Variants in ZDHHC9 observed in about 807,000 individuals in gnomAD.
The protein encoded by ZDHHC9 is zDHHC palmitoyltransferase 9, also known as palmitoyltransferase ZDHHC9.
A neutral mutation model predicts 26.6 loss-of-function variants in ZDHHC9; 3 were observed. That is an observed-to-expected ratio of 0.11 (90% CI 0.05 to 0.29). ZDHHC9 has a LOEUF of 0.29. ZDHHC9 is among the 10% of genes least tolerant of loss of function. The pLI, the probability that ZDHHC9 is intolerant of heterozygous loss-of-function variation, is 1.00. For missense variants in ZDHHC9, 146 were observed against 296.4 expected (o/e 0.49, Z 3.73); for synonymous variants, 111 against 109.4 (o/e 1.01, Z -0.09).
chrX:129,803,795 G>T lies in ZDHHC9; in HGVS notation c.*2575C>A, dbSNP rs1927448553. ...TGGCCTGGGAAAGTAGGGTGCATAG[G>T]AAGCTTGAGGAAGAAGGAGGAAGGG... On this transcript the variant is annotated 3_prime_UTR_variant, in exon 11 of 11. Coordinates refer to ENST00000357166, the MANE Select transcript of ZDHHC9 (RefSeq NM_016032.4). 8.9e-6 allele frequency: 1 copy of T among 111,961 alleles called. No individual in the cohort carries two copies. The highest frequency in any genetic ancestry group is 1.9e-5 in the Non-Finnish European group (1 of 53,201). The allele number at this position is 111,961 out of a possible 1,213,427, so 9.2% of individuals were successfully genotyped here.
chrX:129,806,466 G>A lies in ZDHHC9; in HGVS notation c.999C>T (p.Asn333=), dbSNP rs772279198. 8.3e-7 allele frequency: 1 copy of A among 1,211,267 alleles called. No homozygotes were observed. The highest frequency in any genetic ancestry group is 1.1e-6 in the Non-Finnish European group (1 of 895,099). The change falls in exon 11 of 11, where the codon AAC becomes AAT. Residue 333 remains asparagine, a synonymous_variant. Transcript: ENST00000357166. The stretch of plus-strand genomic sequence containing the variant: ...TGCTGTCCTCCGGCATCTCATTTGA[G>A]TTCAGGTGTTCTGTGGGGGCCTGAG... ...PQSPAPTEHL[N]SNEMPEDSST... is the part of the protein sequence containing the mutation.
At chrX:129,835,779 G>A (rs756448497) in intron 3 of ZDHHC9, among the ~76,000 whole-genome samples, 3 of 110,441 alleles carry the variant, frequency 2.7e-5, no homozygotes, top group South Asian at 3.8e-4. Flanking sequence ...ATGAAACTCC[G>A]TCTCAAAGAA....
intron 3 of ZDHHC9, among the ~76,000 whole-genome samples, chrX:129,841,142 C>T (rs1014227328): frequency 3.6e-5 from 4 of 111,554 alleles, no homozygotes; most frequent in African/African-American, 9.8e-5. Flanking sequence ...GGCTCGAGTA[C>T]GAGGTATTAC....
chrX:129,815,916 C>T (rs1025498824), intron 5 of ZDHHC9, among the ~76,000 whole-genome samples: 2 of 111,699 alleles, frequency 1.8e-5, no homozygotes, highest in African/African-American at 6.5e-5. Context: ...CACACACATG[C>T]ACACACAATG....
intron 3 of ZDHHC9, among the ~76,000 whole-genome samples, chrX:129,840,175 C>T (rs1928347710): frequency 9.1e-6 from 1 of 109,909 alleles, no homozygotes; most frequent in Non-Finnish European, 1.9e-5. Context: ...TTTCAAGTAC[C>T]CCTGGCCAGT....
intron 8 of ZDHHC9, among the ~76,000 whole-genome samples, chrX:129,811,855 C>A (rs913503327): frequency 5.4e-5 from 6 of 110,545 alleles, no homozygotes; most frequent in Non-Finnish European, 9.4e-5. Context: ...AAAATACTCA[C>A]AATAGAGTGA....
chrX:129,810,164 G>A (rs1454603465), intron 10 of ZDHHC9, among the ~76,000 whole-genome samples: 1 of 107,316 alleles, frequency 9.3e-6, no homozygotes, highest in Non-Finnish European at 1.9e-5. Flanking sequence ...TCCTGGCCAG[G>A]ATGGTGAAAC....
chrX:129,832,017 G>C (rs1295776150), intron 3 of ZDHHC9, among the ~76,000 whole-genome samples: 2 of 109,881 alleles, frequency 1.8e-5, no homozygotes, highest in African/African-American at 6.6e-5. Context: ...AAATTGCTAG[G>C]AGAGTAGATT....
At chrX:129,828,880 T>C (rs1928080463) in intron 4 of ZDHHC9, 101 bp downstream of exon 4, 1 of 1,078,624 alleles carries the variant, frequency 9.3e-7, no homozygotes, top group Admixed American at 2.2e-5. Context: ...GAGAAAAGGC[T>C]AGAAGTGATT....
rs1336198375 is a variant in ZDHHC9, at chrX:129,805,928, G to C, written c.*442C>G. 1.4e-5 allele frequency: 2 copies of C among 145,059 alleles called. No homozygotes were observed. Among genetic ancestry groups the C allele is most frequent in the Non-Finnish European group, 2.7e-5 (2 of 73,967 alleles). The allele number at this position is 145,059 out of a possible 1,213,427, so 12.0% of individuals were successfully genotyped here. ...CAGTCCTGAAGACCCCAAGAACCCA[G>C]TTAGGATCCCCTGGCCAGAGGTCTC... On this transcript the variant is annotated 3_prime_UTR_variant, in exon 11 of 11. Coordinates refer to ENST00000357166, the MANE Select transcript of ZDHHC9 (RefSeq NM_016032.4).
chrX:129,811,270 G>T, intron 9 of ZDHHC9, 136 bp downstream of exon 9: 1 of 536,902 alleles, frequency 1.9e-6, no homozygotes, highest in Non-Finnish European at 3.1e-6. Flanking sequence ...TGTAGACATG[G>T]TACCAAGTGG....
At chrX:129,807,206 G>A (rs1388753925) in intron 10 of ZDHHC9, among the ~76,000 whole-genome samples, 1 of 111,257 alleles carries the variant, frequency 9.0e-6, no homozygotes, top group East Asian at 2.8e-4. Flanking sequence ...CAGCACTTTG[G>A]GAGGCCGAGG....
At chrX:129,823,878 C>G in intron 4 of ZDHHC9, 41 bp from the exon 5 acceptor site, 1 of 1,178,735 alleles carries the variant, frequency 8.5e-7, no homozygotes, top group Non-Finnish European at 1.1e-6. Flanking sequence ...AGCTAGCCAT[C>G]ACTTGAGCCC....
chrX:129,813,555 A>T lies in ZDHHC9; in HGVS notation c.674+122T>A. The T allele has an allele frequency of 5.4e-6, 4 of 736,631 alleles. No homozygotes were observed. The African/African-American group carries it at 6.4e-5, about 12-fold the overall frequency. 60.7% of individuals were successfully genotyped at this position (736,631 alleles called of 1,213,427 possible). ...CACTAAGACTATATTTTTTTAAATT[A>T]TTTTAGACCTTGGCACTCTCTGATA... is the stretch of plus-strand genomic sequence containing the variant. On this transcript the variant is annotated intron_variant, in intron 7 of 10. Transcript: ENST00000357166.
chrX:129,842,061 CA>C lies in ZDHHC9; in HGVS notation c.-117del. 1 of 930,922 alleles carries C rather than the reference CA, an allele frequency of 1.1e-6. No individual in the cohort carries two copies. The highest frequency in any genetic ancestry group is 1.5e-6 in the Non-Finnish European group (1 of 648,294). 76.7% of individuals were successfully genotyped at this position (930,922 alleles called of 1,213,427 possible). ...TTCCTGCCGCTGGGTCAAACATCAT[CA>C]AAAGTCCAATTGCTAGCCCTAAGAA... On this transcript the variant is annotated 5_prime_UTR_variant, in exon 3 of 11. Transcript: ENST00000357166.
chrX:129,807,172 C>A (rs1232015094), intron 10 of ZDHHC9, among the ~76,000 whole-genome samples: 2 of 112,414 alleles, frequency 1.8e-5, no homozygotes, highest in South Asian at 7.2e-4. Flanking sequence ...TCTGGCCGGG[C>A]GCGGTGGCTC....
chrX:129,822,462 G>A (rs1007951669), intron 5 of ZDHHC9, among the ~76,000 whole-genome samples: 3 of 106,114 alleles, frequency 2.8e-5, no homozygotes, highest in Non-Finnish European at 3.9e-5. Context: ...GGGGGGTGGG[G>A]TGAGGAGGGA....
At position 129,804,317 on chromosome X, in the gene ZDHHC9, A is replaced by G. The variant is rs990403518; in HGVS notation, c.*2053T>C. The G allele has an allele frequency of 1.8e-5, 2 of 111,746 alleles. No homozygotes were observed. Among genetic ancestry groups the G allele is most frequent in the Non-Finnish European group, 3.8e-5 (2 of 53,158 alleles). The allele number at this position is 111,746 out of a possible 1,213,427, so 9.2% of individuals were successfully genotyped here. On this transcript the variant is annotated 3_prime_UTR_variant, in exon 11 of 11. Coordinates refer to ENST00000357166, the MANE Select transcript of ZDHHC9 (RefSeq NM_016032.4). ...GAGAGAACCAGAAAAAGAAGCAGAC[A>G]GGAGAGGGATCTGAGTCAGTCTCTC...
At chrX:129,821,538 G>A (rs868118212) in intron 5 of ZDHHC9, among the ~76,000 whole-genome samples, 2 of 108,035 alleles carry the variant, frequency 1.9e-5, no homozygotes, top group Non-Finnish European at 3.8e-5. Context: ...TGATCCTCCC[G>A]CTTTGGCCTC....
Sources: gnomAD v4.1 joint callset for allele counts (sites outside exome capture counted in the v4.1 genomes callset) on GRCh38, gnomAD v4.1.1 for gene constraint, MANE v1.5 for transcripts, NCBI Gene and HGNC (gene_info 2026-07-23, HGNC 2026-07-21) for gene names.